Variants in IARS2 observed in about 807,000 individuals in gnomAD.
The protein encoded by IARS2 is isoleucyl-tRNA synthetase 2, mitochondrial.
IARS2 carries 56 observed loss-of-function variants against 126.3 expected under a neutral mutation model. The observed-to-expected ratio is 0.44, with a 90% CI of 0.36 to 0.55. The LOEUF (loss-of-function observed/expected upper bound fraction) is 0.55. IARS2 is among the 20% of genes least tolerant of loss of function. The probability of loss-of-function intolerance (pLI) is 0.00; values close to 1 mark genes in which losing one functional copy is unlikely to be tolerated. For synonymous variants in IARS2, 407 were observed against 441.1 expected, an observed-to-expected ratio of 0.92 and a Z score of 0.97; for missense variants, 1,127 against 1,245.9, an observed-to-expected ratio of 0.90 and a Z score of 1.44.
At chr1:220,146,748 C>T (rs993179925) in intron 22 of IARS2, among the ~76,000 whole-genome samples, 11 of 151,942 alleles carry the variant, frequency 7.2e-5, no homozygotes, top group African/African-American at 2.4e-4. Flanking sequence ...CTTGGTTTAC[C>T]GCAACCTCCG....
intron 2 of IARS2, among the ~76,000 whole-genome samples, 200 bp from the exon 3 acceptor site, chr1:220,100,290 A>G (rs1402529535): frequency 1.3e-5 from 2 of 152,172 alleles, no homozygotes; most frequent in African/African-American, 2.4e-5. Flanking sequence ...ATTTGTGTCA[A>G]TAGTTTTTTT....
At position 220,139,128 on chromosome 1, in the gene IARS2, T is replaced by G. The variant is rs1188983048; in HGVS notation, c.2296T>G (p.Leu766Val). 6.2e-7 allele frequency: 1 copy of G among 1,606,768 alleles called. No homozygotes were observed. The change falls in exon 18 of 23, where the codon TTG (leucine) becomes GTG (valine). Residue 766 changes from leucine (L) to valine (V), a missense_variant. Transcript: ENST00000366922. ...DQYMLHLLQD[L>V]ANKITELYKQ... ...GTACATGCTACACTTACTGCAGGAT[T>G]TGGCAAACAAGGTAAATGTAAATTA...
chr1:220,131,724 G>A (rs1017734573), intron 14 of IARS2, among the ~76,000 whole-genome samples: 1 of 151,504 alleles, frequency 6.6e-6, no homozygotes, highest in Admixed American at 6.6e-5. Flanking sequence ...GACCTCAAGG[G>A]ATCAGCGCTG....
intron 10 of IARS2, among the ~76,000 whole-genome samples, chr1:220,107,687 T>A (rs1253811033): frequency 6.6e-6 from 1 of 152,200 alleles, no homozygotes; most frequent in Non-Finnish European, 1.5e-5. Context: ...GTAAACTTGG[T>A]AGTTTGAAAC....
At chr1:220,134,677 TGTGA>T in intron 15 of IARS2, 167 bp downstream of exon 15, 1 of 420,412 alleles carries the variant, frequency 2.4e-6, no homozygotes, top group East Asian at 3.6e-5. Context: ...CAAGGTGTCT[TGTGA>T]GTGTGATGCA....
At chr1:220,118,588 C>T (rs987748823) in intron 12 of IARS2, among the ~76,000 whole-genome samples, 10 of 152,062 alleles carry the variant, frequency 6.6e-5, no homozygotes, top group African/African-American at 1.7e-4. Flanking sequence ...TGTAGAAACA[C>T]TGGCTACCTG....
At chr1:220,138,881 A>T in intron 17 of IARS2, 127 bp from the exon 18 acceptor site, 1 of 850,130 alleles carries the variant, frequency 1.2e-6, no homozygotes, top group Non-Finnish European at 1.8e-6. Context: ...TTGTAGTCTT[A>T]TTTGGAATGA....
chr1:220,137,023 C>T (rs1405647307), intron 16 of IARS2, 112 bp downstream of exon 16: 5 of 601,512 alleles, frequency 8.3e-6, no homozygotes, highest in African/African-American at 1.9e-5. Context: ...CTTTTATACT[C>T]TCAAATAACA....
In IARS2 at chr1:220,137,953, C is replaced by T; in HGVS notation, c.2085C>T (p.Val695=). The change falls in exon 17 of 23, where the codon GTC becomes GTT. Residue 695 remains valine (V), a synonymous_variant. Transcript: ENST00000366922. ...QSKEPPYGAD[V]LRWWVADSNV... ...AAGAGCCTCCGTATGGTGCTGATGT[C>T]CTTCGCTGGTGGGTAGCTGATTCCA... 1 of 1,614,068 alleles carries T rather than the reference C, an allele frequency of 6.2e-7. No homozygotes were observed. The highest frequency in any genetic ancestry group is 8.5e-7 in the Non-Finnish European group (1 of 1,180,004).
At chr1:220,118,780 C>G (rs538575366) in intron 12 of IARS2, among the ~76,000 whole-genome samples, 1 of 152,118 alleles carries the variant, frequency 6.6e-6, no homozygotes, top group East Asian at 1.9e-4. Context: ...TTAGCTACCT[C>G]AAATTTTTTC....
chr1:220,142,292 A>C (rs1657505622), intron 20 of IARS2, among the ~76,000 whole-genome samples: 2 of 152,198 alleles, frequency 1.3e-5, no homozygotes, highest in Admixed American at 1.3e-4. Context: ...TGAGGTCAGG[A>C]GTTCAAAATT....
At chr1:220,112,381 G>C (rs1215194477) in intron 11 of IARS2, among the ~76,000 whole-genome samples, 1 of 61,702 alleles carries the variant, frequency 1.6e-5, no homozygotes, top group African/African-American at 7.4e-5. Context: ...TGATCCACCC[G>C]CCTCGGCCTC....
intron 12 of IARS2, among the ~76,000 whole-genome samples, chr1:220,119,934 T>C (rs1657003615): frequency 6.6e-6 from 1 of 152,178 alleles, no homozygotes; most frequent in Non-Finnish European, 1.5e-5. Flanking sequence ...CAGTTAACTT[T>C]ATATACTTTT....
Position 220,096,187 on chromosome 1 carries a change from T to G in IARS2, c.351T>G (p.Tyr117Ter), listed in dbSNP as rs897456214. 6.2e-7 allele frequency: 1 copy of G among 1,602,824 alleles called. No homozygotes were observed. The highest frequency in any genetic ancestry group is 1.7e-5 in the Admixed American group (1 of 58,976). The change falls in exon 2 of 23, where the codon TAT becomes TAG. Residue 117 changes from tyrosine to a stop codon, truncating the protein, a stop_gained. Transcript: ENST00000366922. LOFTEE classifies it high-confidence loss of function. ...TTTGCCTTCATGATGGACCTCCTTA[T>G]GCAAACGGTGACCCTCATGTTGGAC... ...TEFCLHDGPP[Y>*]ANGDPHVGHA...
At chr1:220,140,995 A>G (rs976782344) in intron 19 of IARS2, among the ~76,000 whole-genome samples, 1 of 151,682 alleles carries the variant, frequency 6.6e-6, no homozygotes, top group Non-Finnish European at 1.5e-5. Context: ...AAAAAAAAAA[A>G]AAAAAAAGAT....
At chr1:220,114,754 G>A (rs1163202618) in intron 12 of IARS2, among the ~76,000 whole-genome samples, 1 of 152,142 alleles carries the variant, frequency 6.6e-6, no homozygotes, top group Non-Finnish European at 1.5e-5. Context: ...TCCAAAGATG[G>A]ACAGTGTTTA....
intron 12 of IARS2, among the ~76,000 whole-genome samples, chr1:220,120,258 A>G (rs960490941): frequency 6.6e-6 from 1 of 151,392 alleles, no homozygotes; most frequent in African/African-American, 2.4e-5. Flanking sequence ...ATTTTTGTAT[A>G]TTTAGTAGAG....
chr1:220,105,576 T>G (rs1396065236), intron 8 of IARS2, among the ~76,000 whole-genome samples: 2 of 152,166 alleles, frequency 1.3e-5, no homozygotes, highest in African/African-American at 2.4e-5. Context: ...GAATTATTTC[T>G]TATCAATTAC....
chr1:220,106,039 G>A lies in IARS2; in HGVS notation c.1215G>A (p.Ala405=), dbSNP rs138462058. 290 of 1,613,522 alleles carry A rather than the reference G, an allele frequency of 1.8e-4. 1 individual carries two copies. The African/African-American group carries it at 2.9e-3, about 16-fold the overall frequency. ...ATGGTATGGAAGACTACGGTGTAGC[G>A]TCTCAGCACAACCTGCCCATGGTAC... ...PAHGMEDYGV[A]SQHNLPMDCL... The change falls in exon 9 of 23, where the codon GCG becomes GCA. Residue 405 remains alanine, a synonymous_variant. Coordinates refer to ENST00000366922, the MANE Select transcript of IARS2 (RefSeq NM_018060.4).
Sources: gnomAD v4.1 joint callset for allele counts (sites outside exome capture counted in the v4.1 genomes callset) on GRCh38, gnomAD v4.1.1 for gene constraint, MANE v1.5 for transcripts, NCBI Gene and HGNC (gene_info 2026-07-23, HGNC 2026-07-21) for gene names.